Variants in ALDH1A2 observed in about 807,000 individuals in gnomAD.
ALDH1A2 encodes retinal dehydrogenase 2.
In ALDH1A2, 27 loss-of-function variants were observed where a neutral mutation model predicts 60.3. That is an observed-to-expected ratio of 0.45 (90% CI 0.33 to 0.62). The LOEUF is 0.62. ALDH1A2 is among the 20% of genes least tolerant of loss of function. The pLI is 0.02. For missense variants in ALDH1A2, 581 were observed against 643.8 expected (o/e 0.90, Z 1.06); for synonymous variants, 289 against 232.4 (o/e 1.24, Z -2.21).
chr15:57,989,366 A>C (rs1162811223), intron 7 of ALDH1A2, among the ~76,000 whole-genome samples: 1 of 152,218 alleles, frequency 6.6e-6, no homozygotes, highest in African/African-American at 2.4e-5. Context: ...TGGACATGTA[A>C]TGTTATGCCA....
At chr15:58,043,848 C>T (rs959564397) in intron 1 of ALDH1A2, among the ~76,000 whole-genome samples, 1 of 151,952 alleles carries the variant, frequency 6.6e-6, no homozygotes, top group Non-Finnish European at 1.5e-5. Context: ...ATCTTTTTCT[C>T]GGTCTAAACA....
intron 9 of ALDH1A2, among the ~76,000 whole-genome samples, chr15:57,962,780 A>C (rs1893769844): frequency 6.6e-6 from 1 of 152,204 alleles, no homozygotes; most frequent in Non-Finnish European, 1.5e-5. Context: ...ATAACACAAA[A>C]ACCTACATTT....
intron 12 of ALDH1A2, among the ~76,000 whole-genome samples, chr15:57,956,281 T>C (rs1200829176): frequency 6.6e-6 from 1 of 152,226 alleles, no homozygotes; most frequent in East Asian, 1.9e-4. Context: ...CCTGTTGTCA[T>C]ATCTTCTAGA....
intron 1 of ALDH1A2, among the ~76,000 whole-genome samples, chr15:58,014,948 T>A (rs1895747172): frequency 6.6e-6 from 1 of 152,186 alleles, no homozygotes; most frequent in Non-Finnish European, 1.5e-5. Flanking sequence ...TCTCCCTATG[T>A]ATGAAATTGA....
intron 1 of ALDH1A2, among the ~76,000 whole-genome samples, chr15:58,029,855 G>A (rs907377659): frequency 6.6e-6 from 1 of 152,120 alleles, no homozygotes; most frequent in Non-Finnish European, 1.5e-5. Context: ...CTGAATCTCT[G>A]AATAGACCAA....
At chr15:57,972,895 T>C (rs1229469103) in intron 7 of ALDH1A2, among the ~76,000 whole-genome samples, 1 of 152,058 alleles carries the variant, frequency 6.6e-6, no homozygotes, top group Non-Finnish European at 1.5e-5. Context: ...TAACCTAAAA[T>C]GAGGGGTGAA....
chr15:57,977,245 G>C (rs1418936958), intron 7 of ALDH1A2, among the ~76,000 whole-genome samples: 1 of 152,040 alleles, frequency 6.6e-6, no homozygotes, highest in Non-Finnish European at 1.5e-5. Flanking sequence ...TGCACAAGCG[G>C]TTTAGTTTAA....
chr15:58,009,639 T>A (rs4774288), intron 4 of ALDH1A2, among the ~76,000 whole-genome samples: 1 of 150,956 alleles, frequency 6.6e-6, no homozygotes, highest in African/African-American at 2.4e-5. Context: ...ATTCACCACT[T>A]ACTATCTCTT....
At chr15:58,054,021 C>A (rs984003569) in intron 1 of ALDH1A2, among the ~76,000 whole-genome samples, 57 of 152,154 alleles carry the variant, frequency 3.7e-4, no homozygotes, top group Admixed American at 9.2e-4. Context: ...CTCAGGAGGG[C>A]TCCCAGAAGT....
intron 1 of ALDH1A2, among the ~76,000 whole-genome samples, chr15:58,016,688 C>T (rs1362635004): frequency 6.6e-6 from 1 of 151,786 alleles, no homozygotes; most frequent in Non-Finnish European, 1.5e-5. Context: ...AAGTATTTTG[C>T]TACTTCATCA....
chr15:58,049,645 T>C (rs1420557709), intron 1 of ALDH1A2, among the ~76,000 whole-genome samples: 1 of 151,870 alleles, frequency 6.6e-6, no homozygotes, highest in African/African-American at 2.4e-5. Flanking sequence ...GTGAAGGCCA[T>C]CCAACACATT....
chr15:57,996,070 T>C (rs1450382592), intron 4 of ALDH1A2, among the ~76,000 whole-genome samples: 1 of 151,952 alleles, frequency 6.6e-6, no homozygotes, highest in East Asian at 1.9e-4. Flanking sequence ...TCAAAAGCAG[T>C]CCCCTAAGGC....
At chr15:58,049,475 T>A (rs1896719616) in intron 1 of ALDH1A2, among the ~76,000 whole-genome samples, 1 of 152,090 alleles carries the variant, frequency 6.6e-6, no homozygotes, top group Admixed American at 6.6e-5. Context: ...TCATTCTGAT[T>A]CTGAATATAA....
intron 12 of ALDH1A2, among the ~76,000 whole-genome samples, chr15:57,957,500 AT>A (rs1274589517): frequency 2.6e-5 from 4 of 152,248 alleles, no homozygotes; most frequent in Non-Finnish European, 5.9e-5. Flanking sequence ...TCTGTCGCAT[AT>A]TTATTTACTC....
chr15:57,962,858 G>C (rs539060361), intron 9 of ALDH1A2, among the ~76,000 whole-genome samples: 1 of 152,158 alleles, frequency 6.6e-6, no homozygotes. Flanking sequence ...CCATGCTTTA[G>C]TGACCCATAT....
chr15:58,035,038 A>G (rs1366682491), intron 1 of ALDH1A2, among the ~76,000 whole-genome samples: 1 of 151,666 alleles, frequency 6.6e-6, no homozygotes, highest in Non-Finnish European at 1.5e-5. Flanking sequence ...ACTGTAGATA[A>G]TTGGTATGTT....
At chr15:57,972,282 T>TC (rs1349752292) in intron 7 of ALDH1A2, among the ~76,000 whole-genome samples, 78 of 152,294 alleles carry the variant, frequency 5.1e-4, no homozygotes, top group African/African-American at 1.7e-3. Flanking sequence ...CCAGACCTTC[T>TC]CCTGGGAATT....
At chr15:58,021,833 T>A (rs1371890857) in intron 1 of ALDH1A2, among the ~76,000 whole-genome samples, 2 of 152,172 alleles carry the variant, frequency 1.3e-5, no homozygotes, top group Non-Finnish European at 2.9e-5. Context: ...CTGGTAGACA[T>A]GTGTTGCTGA....
At chr15:58,002,739 A>G (rs1163232335) in intron 4 of ALDH1A2, among the ~76,000 whole-genome samples, 1 of 151,968 alleles carries the variant, frequency 6.6e-6, no homozygotes, top group African/African-American at 2.4e-5. Flanking sequence ...CTGTAACACA[A>G]TTCAGTGAAT....
Sources: allele counts gnomAD v4.1 joint callset (sites outside exome capture counted in the v4.1 genomes callset), GRCh38; gene constraint gnomAD v4.1.1; transcripts MANE v1.5; gene names NCBI Gene and HGNC (gene_info 2026-07-23, HGNC 2026-07-21).